Variants in DGKD observed in about 807,000 individuals in gnomAD.
The protein encoded by DGKD is diacylglycerol kinase delta, also known as DAG kinase delta.
A neutral mutation model predicts 154.4 loss-of-function variants in DGKD; 68 were observed. The ratio of observed to expected loss-of-function variants is 0.44; its 90% CI spans 0.36 to 0.54. The LOEUF (loss-of-function observed/expected upper bound fraction) is 0.54, where lower values mean the gene tolerates loss of function less well. Ranked by LOEUF, DGKD falls within the 20% of genes least tolerant of loss-of-function variation. The probability of loss-of-function intolerance (pLI) is 0.00; values close to 1 mark genes in which losing one functional copy is unlikely to be tolerated. For missense variants in DGKD, 1,343 were observed against 1,593.6 expected (o/e 0.84, Z 2.68); for synonymous variants, 693 against 638.0 (o/e 1.09, Z -1.30).
intron 26 of DGKD, chr2:233,463,771 G>T: frequency 4.2e-6 from 1 of 237,016 alleles, no homozygotes; most frequent in Non-Finnish European, 8.5e-6. Context: ...CCCACGTCCC[G>T]TGGTCACACG....
chr2:233,459,629 C>A lies in DGKD; in HGVS notation c.2695-128C>A. The A allele has an allele frequency of 7.9e-7, 1 of 1,271,496 alleles. No individual in the cohort carries two copies. Among genetic ancestry groups the A allele is most frequent in the Middle Eastern group, 2.5e-4 (1 of 4,036 alleles). 78.8% of individuals were successfully genotyped at this position (1,271,496 alleles called of 1,614,324 possible). On this transcript the variant is annotated intron_variant, in intron 22 of 29. Coordinates refer to ENST00000264057, the MANE Select transcript of DGKD (RefSeq NM_152879.3). This position sits in a 1 kb window ranked among gnomAD's most constrained non-coding sequence, Gnocchi z 5.7. ...TGCAGGCGGAGCGCCATCCCAGAGG[C>A]AGAGGTGGGGTGTCCTGCAAGGCAG...
chr2:233,376,080 C>T (rs1702560549), intron 1 of DGKD, among the ~76,000 whole-genome samples: 1 of 152,154 alleles, frequency 6.6e-6, no homozygotes, highest in African/African-American at 2.4e-5. Context: ...ATCTTTCCTA[C>T]CTTAATGAAC....
chr2:233,448,635 C>G (rs2063164320), intron 14 of DGKD, among the ~76,000 whole-genome samples: 1 of 152,228 alleles, frequency 6.6e-6, no homozygotes, highest in South Asian at 2.1e-4. Context: ...CTTCTTGGGT[C>G]CAAATACCCC....
intron 3 of DGKD, chr2:233,429,053 T>G (rs2062416863): frequency 1.1e-6 from 1 of 877,132 alleles, no homozygotes; most frequent in East Asian, 1.2e-4. Flanking sequence ...GTCTATAATT[T>G]GCTGTCTAGT....
Position 233,462,663 on chromosome 2 carries a change from C to G in DGKD, c.3114C>G (p.Val1038=). 6.2e-7 allele frequency: 1 copy of G among 1,614,168 alleles called. No homozygotes were observed. The highest frequency in any genetic ancestry group is 8.5e-7 in the Non-Finnish European group (1 of 1,180,022). The change falls in exon 26 of 30, where the codon GTC becomes GTG. Residue 1038 remains valine (V), a synonymous_variant. Coordinates refer to ENST00000264057, the MANE Select transcript of DGKD (RefSeq NM_152879.3). ...TCTAGGGGCTCAACTGCAGCTTCGT[C>G]CTGGAAATGGTGAATAACTTCAGAG... ...RTTEGLNCSF[V]LEMVNNFRAL... is the part of the protein sequence containing the mutation.
rs2062790477 is a variant in DGKD, at chr2:233,438,760, AT to A, written c.1085+382del. On this transcript the variant is annotated intron_variant, in intron 9 of 29. Coordinates refer to ENST00000264057, the MANE Select transcript of DGKD (RefSeq NM_152879.3). This position sits in a 1 kb window ranked among gnomAD's most constrained non-coding sequence, Gnocchi z 4.1. The stretch of plus-strand genomic sequence containing the variant: ...TTATTTATCTGTCTATCTATCATCT[AT>A]CTATCTATCTATCTATCTATCTATC... Among the ~76,000 whole-genome samples the A allele has an allele frequency of 4.1e-5, 1 of 24,254 alleles. No homozygotes were observed. Among genetic ancestry groups the A allele is most frequent in the African/African-American group, 1.1e-4 (1 of 8,902 alleles). The allele number at this position is 24,254 out of a possible 152,430, so 15.9% of individuals were successfully genotyped here.
At chr2:233,462,807 C>A in intron 26 of DGKD, 72 bp downstream of exon 26, 2 of 1,326,086 alleles carry the variant, frequency 1.5e-6, no homozygotes, top group Non-Finnish European at 2.2e-6. Context: ...GGTTGCTGGG[C>A]ACACAGGGCA....
At chr2:233,404,374 G>A (rs1486646968) in intron 3 of DGKD, among the ~76,000 whole-genome samples, 1 of 152,162 alleles carries the variant, frequency 6.6e-6, no homozygotes, top group Admixed American at 6.5e-5. Context: ...ATTTAGGGAG[G>A]TGAGTTTGTT....
chr2:233,394,690 C>CTTTTT lies in DGKD; in HGVS notation c.348+4207_348+4208insTTTTT, dbSNP rs1703879704. ...TTCCTTATTATTTTGAATTTAATTC[C>CTTTTT]CTTTTTTTTTTTTTTTTTTTTTTTT... On this transcript the variant is annotated intron_variant, in intron 3 of 29. Coordinates refer to ENST00000264057, the MANE Select transcript of DGKD (RefSeq NM_152879.3). Among the ~76,000 whole-genome samples the CTTTTT allele has an allele frequency of 1.3e-3, 109 of 83,200 alleles. 9 individuals carry two copies. Among genetic ancestry groups the CTTTTT allele is most frequent in the African/African-American group, 2.2e-3 (50 of 22,670 alleles). 54.6% of individuals were successfully genotyped at this position (83,200 alleles called of 152,430 possible).
rs1270376832 is a variant in DGKD at position 233,445,154 on chromosome 2, G to A, written c.1195-469G>A. 2.0e-5 allele frequency among the ~76,000 whole-genome samples: 3 copies of A among 152,160 alleles called. No individual in the cohort carries two copies. Among genetic ancestry groups the A allele is most frequent in the African/African-American group, 7.2e-5 (3 of 41,434 alleles). On this transcript the variant is annotated intron_variant, in intron 10 of 29. Coordinates refer to ENST00000264057, the MANE Select transcript of DGKD (RefSeq NM_152879.3). The surrounding 1 kb of genome is among the most constrained non-coding windows in gnomAD (Gnocchi z 5.5). ...GCACCTTTTTTGGATAGGATTTAGA[G>A]GAGAGAAGTGATACTAGTGATGTTT...
intron 3 of DGKD, among the ~76,000 whole-genome samples, chr2:233,409,455 A>G (rs942161862): frequency 6.6e-6 from 1 of 150,978 alleles, no homozygotes; most frequent in Non-Finnish European, 1.5e-5. Context: ...ATCTTTACTC[A>G]GTATGCTTTT....
intron 12 of DGKD, among the ~76,000 whole-genome samples, 179 bp downstream of exon 12, chr2:233,446,975 C>T (rs2063097451): frequency 6.6e-6 from 1 of 152,238 alleles, no homozygotes; most frequent in Non-Finnish European, 1.5e-5. Context: ...CTCCCCTTGG[C>T]AGGGGCCTTT....
chr2:233,462,826 T>C (rs2063693595), intron 26 of DGKD, 91 bp downstream of exon 26: 15 of 1,129,950 alleles, frequency 1.3e-5, no homozygotes, highest in Non-Finnish European at 2.0e-5. Context: ...CAGCACACTT[T>C]AGTCCAGAGT....
At chr2:233,373,135 C>T (rs1202745242) in intron 1 of DGKD, among the ~76,000 whole-genome samples, 1 of 152,174 alleles carries the variant, frequency 6.6e-6, no homozygotes, top group Admixed American at 6.5e-5. Flanking sequence ...TGGAAAGTGG[C>T]AATGTGCATG....
At chr2:233,454,957 C>A in intron 19 of DGKD, 84 bp downstream of exon 19, 1 of 900,160 alleles carries the variant, frequency 1.1e-6, no homozygotes, top group Non-Finnish European at 1.8e-6. Flanking sequence ...CTGGAGTCAG[C>A]AGGTTAAAGA....
At chr2:233,396,987 G>A (rs1382868624) in intron 3 of DGKD, among the ~76,000 whole-genome samples, 2 of 79,184 alleles carry the variant, frequency 2.5e-5, no homozygotes, top group African/African-American at 5.2e-5. Context: ...GGGGCAGAGC[G>A]AGAGGACTCC....
chr2:233,412,309 G>A (rs1311229186), intron 3 of DGKD, among the ~76,000 whole-genome samples: 2 of 152,126 alleles, frequency 1.3e-5, no homozygotes, highest in African/African-American at 2.4e-5. Flanking sequence ...GCAGTGCTTT[G>A]TAGTTTTCAG....
chr2:233,399,598 G>T (rs2061508600), intron 3 of DGKD, among the ~76,000 whole-genome samples: 1 of 152,176 alleles, frequency 6.6e-6, no homozygotes, highest in Non-Finnish European at 1.5e-5. Flanking sequence ...CGTGGGAGGT[G>T]CGCTGGGTGA....
In DGKD at chr2:233,454,805, C is replaced by T; in HGVS notation, c.2307C>T (p.Gly769=). 1 of 1,613,862 alleles carries T rather than the reference C, an allele frequency of 6.2e-7. No homozygotes were observed. Among genetic ancestry groups the T allele is most frequent in the Non-Finnish European group, 8.5e-7 (1 of 1,179,802 alleles). ...AATGTGTCATGAACAACTATTTTGG[C>T]ATTGGCCTGGATGCGAAGATATCCC... ...TEKCVMNNYF[G]IGLDAKISLD... is the part of the protein sequence containing the mutation. Residue 769 remains glycine (G), a synonymous_variant, in exon 19 of 30, where the codon GGC becomes GGT. Coordinates refer to ENST00000264057, the MANE Select transcript of DGKD (RefSeq NM_152879.3).
Sources: allele counts gnomAD v4.1 joint callset (sites outside exome capture counted in the v4.1 genomes callset), GRCh38; gene constraint gnomAD v4.1.1; non-coding constraint Gnocchi (gnomAD v3.1); transcripts MANE v1.5; gene names NCBI Gene and HGNC (gene_info 2026-07-23, HGNC 2026-07-21).